The following DOK6 variants were observed in gnomAD, a reference collection of about 807,000 sequenced individuals.
DOK6 encodes the protein docking protein 6, also known as downstream of tyrosine kinase 6.
A neutral mutation model predicts 44.0 loss-of-function variants in DOK6; 22 were observed. The ratio of observed to expected loss-of-function variants is 0.50; its 90% CI spans 0.36 to 0.71. DOK6 has a LOEUF of 0.71. Ranked by LOEUF, DOK6 falls within the 30% of genes least tolerant of loss-of-function variation. The probability of loss-of-function intolerance (pLI) is 0.00; values close to 1 mark genes in which losing one functional copy is unlikely to be tolerated. For synonymous variants in DOK6, 166 were observed against 145.5 expected (o/e 1.14, Z -1.01); for missense variants, 340 against 416.4 (o/e 0.82, Z 1.60).
At position 69,470,590 on chromosome 18, in the gene DOK6, G is replaced by A. The variant is rs531257254; in HGVS notation, c.66+69280G>A. 2.3e-4 allele frequency among the ~76,000 whole-genome samples: 35 copies of A among 152,114 alleles called. No homozygotes were observed. In the South Asian group the frequency reaches 5.6e-3, roughly 24 times the overall value. On this transcript the variant is annotated intron_variant, in intron 1 of 7. Coordinates refer to ENST00000382713, the MANE Select transcript of DOK6 (RefSeq NM_152721.6). The stretch of plus-strand genomic sequence containing the variant: ...CCACCCCAGGAGACTCACTCATTGC[G>A]GATCCCACCCCACCCTGCCCCTTTC...
At chr18:69,500,724 C>T (rs915029228) in intron 1 of DOK6, among the ~76,000 whole-genome samples, 9 of 152,050 alleles carry the variant, frequency 5.9e-5, no homozygotes, top group South Asian at 2.1e-4. Context: ...TAGATGTGTT[C>T]ACCTTTATTA....
intron 5 of DOK6, among the ~76,000 whole-genome samples, chr18:69,711,826 C>T (rs4516324): frequency 0.088 from 13,388 of 152,152 alleles, 668 homozygotes; most frequent in Admixed American, 0.14. Context: ...TCTTTCCTGA[C>T]TTTTAATACT....
intron 1 of DOK6, among the ~76,000 whole-genome samples, chr18:69,459,112 A>G (rs1311777300): frequency 8.7e-6 from 1 of 115,520 alleles, no homozygotes; most frequent in East Asian, 3.1e-4. Context: ...CCCCCCCCAA[A>G]AAAAAGGAAG....
intron 6 of DOK6, among the ~76,000 whole-genome samples, chr18:69,746,112 G>T (rs1978976647): frequency 6.6e-6 from 1 of 152,116 alleles, no homozygotes; most frequent in Non-Finnish European, 1.5e-5. Context: ...ATAATAGAGA[G>T]ATTAAGAATA....
intron 1 of DOK6, among the ~76,000 whole-genome samples, chr18:69,462,025 A>G (rs1040243185): frequency 2.6e-5 from 4 of 152,168 alleles, no homozygotes; most frequent in Non-Finnish European, 4.4e-5. Flanking sequence ...AAGGAAGACA[A>G]ATTCCCTTGA....
At chr18:69,599,034 T>C (rs1846456655) in intron 2 of DOK6, among the ~76,000 whole-genome samples, 1 of 152,096 alleles carries the variant, frequency 6.6e-6, no homozygotes, top group African/African-American at 2.4e-5. Flanking sequence ...AGATATTAAA[T>C]ACAATCAATA....
Position 69,403,333 on chromosome 18 carries a change from G to A in DOK6, c.66+2023G>A, listed in dbSNP as rs538195714. Among the ~76,000 whole-genome samples the A allele has an allele frequency of 2.6e-5, 4 of 152,238 alleles. No individual in the cohort carries two copies. In the East Asian group the frequency reaches 7.7e-4, roughly 29 times the overall value. On this transcript the variant is annotated intron_variant, in intron 1 of 7. Coordinates refer to ENST00000382713, the MANE Select transcript of DOK6 (RefSeq NM_152721.6). ...AACCCAATTATAACATAGGGCCCAAGGAAAGTGCATTGATTGCTTCTTGGG... is the reference window on the plus strand; with the variant it reads ...AACCCAATTATAACATAGGGCCCAAAGAAAGTGCATTGATTGCTTCTTGGG...
intron 5 of DOK6, among the ~76,000 whole-genome samples, chr18:69,704,584 T>G (rs1986593093): frequency 6.7e-6 from 1 of 148,922 alleles, no homozygotes; most frequent in Non-Finnish European, 1.5e-5. Flanking sequence ...GTTCACTCCA[T>G]TCTCCTGCCT....
Position 69,591,582 on chromosome 18 carries a change from A to C in DOK6, c.175-7802A>C, listed in dbSNP as rs575373528. Among the ~76,000 whole-genome samples, 4 of 143,524 alleles carry C rather than the reference A, an allele frequency of 2.8e-5. No individual in the cohort carries two copies. The South Asian group carries it at 9.3e-4, about 33-fold the overall frequency. 94.2% of individuals were successfully genotyped at this position (143,524 alleles called of 152,430 possible). On this transcript the variant is annotated intron_variant, in intron 2 of 7. Coordinates refer to ENST00000382713, the MANE Select transcript of DOK6 (RefSeq NM_152721.6). ...TTCTCAAAACTGGACTTTTCTGAAG[A>C]GACTAAGGTCGATATTAAATATTTT... is the stretch of plus-strand genomic sequence containing the variant.
At chr18:69,719,682 CAT>C (rs757988272) in intron 5 of DOK6, among the ~76,000 whole-genome samples, 4 of 152,190 alleles carry the variant, frequency 2.6e-5, no homozygotes, top group Non-Finnish European at 5.9e-5. Flanking sequence ...GGACTGTTAT[CAT>C]CCTTGCTTTA....
At chr18:69,596,827 A>G (rs1983752671) in intron 2 of DOK6, among the ~76,000 whole-genome samples, 2 of 152,142 alleles carry the variant, frequency 1.3e-5, no homozygotes, top group Admixed American at 6.5e-5. Flanking sequence ...ACATAAAACA[A>G]TACGTATATA....
At chr18:69,489,885 AAC>A (rs781435747) in intron 1 of DOK6, among the ~76,000 whole-genome samples, 11 of 152,064 alleles carry the variant, frequency 7.2e-5, no homozygotes, top group Non-Finnish European at 1.3e-4. Context: ...CATTAGGAAG[AAC>A]AGTTTTGAAG....
intron 2 of DOK6, among the ~76,000 whole-genome samples, chr18:69,572,855 G>T (rs925591743): frequency 2.6e-5 from 4 of 151,946 alleles, no homozygotes; most frequent in African/African-American, 9.7e-5. Flanking sequence ...GACAAAAGCT[G>T]TTTCATTCAA....
intron 1 of DOK6, among the ~76,000 whole-genome samples, chr18:69,558,371 C>A (rs1447438039): frequency 6.6e-6 from 1 of 152,112 alleles, no homozygotes; most frequent in Non-Finnish European, 1.5e-5. Flanking sequence ...CTTGCAAATT[C>A]TCCACTCCAG....
At chr18:69,598,891 C>A (rs1983808014) in intron 2 of DOK6, among the ~76,000 whole-genome samples, 1 of 152,096 alleles carries the variant, frequency 6.6e-6, no homozygotes, top group Non-Finnish European at 1.5e-5. Context: ...GAGAGCAAGT[C>A]TATTGCTCTA....
chr18:69,549,884 T>TTG (rs1344060885), intron 1 of DOK6, among the ~76,000 whole-genome samples: 1 of 150,368 alleles, frequency 6.7e-6, no homozygotes, highest in Non-Finnish European at 1.5e-5. Flanking sequence ...TTTTTTTTTT[T>TTG]GCCTATCTAG....
chr18:69,603,703 G>A (rs912752168), intron 3 of DOK6, among the ~76,000 whole-genome samples: 3 of 150,492 alleles, frequency 2.0e-5, no homozygotes, highest in Admixed American at 1.3e-4. Context: ...CCCGGGAGGC[G>A]GAGCTTGCAG....
intron 1 of DOK6, among the ~76,000 whole-genome samples, chr18:69,439,649 G>C (rs1025694725): frequency 2.6e-5 from 4 of 152,178 alleles, no homozygotes; most frequent in Non-Finnish European, 5.9e-5. Context: ...ACCTATGCTA[G>C]TTTCAAACTT....
intron 5 of DOK6, among the ~76,000 whole-genome samples, chr18:69,732,327 A>G (rs1430030271): frequency 1.3e-5 from 2 of 152,116 alleles, no homozygotes; most frequent in African/African-American, 2.4e-5. Flanking sequence ...CAATCTTTTA[A>G]AATTTTTTTC....
Sources: gnomAD v4.1 joint callset for allele counts (sites outside exome capture counted in the v4.1 genomes callset) on GRCh38, gnomAD v4.1.1 for gene constraint, MANE v1.5 for transcripts, NCBI Gene and HGNC (gene_info 2026-07-23, HGNC 2026-07-21) for gene names.